Variants in ADGRL2 observed in about 807,000 individuals in gnomAD.
The protein encoded by ADGRL2 is adhesion G protein-coupled receptor L2.
ADGRL2 carries 44 observed loss-of-function variants against 157.4 expected under a neutral mutation model. The observed-to-expected ratio is 0.28, with a 90% CI of 0.22 to 0.36. ADGRL2 has a LOEUF of 0.36. Among genes scored for constraint, ADGRL2 ranks in the 10% least tolerant of loss-of-function variants. The pLI is 1.00. For missense variants in ADGRL2, 1,510 were observed against 1,768.9 expected, an observed-to-expected ratio of 0.85 and a Z score of 2.63; for synonymous variants, 585 against 624.7, an observed-to-expected ratio of 0.94 and a Z score of 0.95.
chr1:81,638,910 G>T (rs895438004), intron 3 of ADGRL2, among the ~76,000 whole-genome samples: 1 of 152,148 alleles, frequency 6.6e-6, no homozygotes, highest in Admixed American at 6.5e-5. Flanking sequence ...GAGCTGAGGT[G>T]AGAGGATCGC....
At chr1:81,736,974 A>G (rs973213856) in intron 1 of ADGRL2, among the ~76,000 whole-genome samples, 1 of 152,042 alleles carries the variant, frequency 6.6e-6, no homozygotes, top group Non-Finnish European at 1.5e-5. Context: ...AGCTGGGACT[A>G]CGGGTGCTCG....
intron 1 of ADGRL2, among the ~76,000 whole-genome samples, chr1:81,425,358 A>C (rs1462633606): frequency 6.6e-6 from 1 of 152,056 alleles, no homozygotes; most frequent in Non-Finnish European, 1.5e-5. Flanking sequence ...CTTGTAGCTA[A>C]CTGTTACTAC....
intron 1 of ADGRL2, among the ~76,000 whole-genome samples, chr1:81,702,396 C>G (rs1020692277): frequency 6.6e-6 from 1 of 152,192 alleles, no homozygotes; most frequent in Non-Finnish European, 1.5e-5. Flanking sequence ...TCATACATAC[C>G]ACCTAAGCTT....
At chr1:81,318,656 G>C (rs1356721864) in intron 1 of ADGRL2, among the ~76,000 whole-genome samples, 1 of 151,916 alleles carries the variant, frequency 6.6e-6, no homozygotes, top group Non-Finnish European at 1.5e-5. Context: ...ATGAATCCAG[G>C]GTTTCTTTAG....
chr1:81,714,343 C>T (rs1360259785), intron 1 of ADGRL2, among the ~76,000 whole-genome samples: 1 of 152,088 alleles, frequency 6.6e-6, no homozygotes, highest in Admixed American at 6.6e-5. Context: ...TAAATTGTTA[C>T]CTCACTATTA....
chr1:81,468,465 A>G (rs184821180), intron 2 of ADGRL2, among the ~76,000 whole-genome samples: 1 of 152,336 alleles, frequency 6.6e-6, no homozygotes, highest in East Asian at 1.9e-4. Flanking sequence ...AACATTTGTC[A>G]GAATTTTTAA....
In ADGRL2 at chr1:81,631,225, G is replaced by C. The variant is rs540201207; in HGVS notation, c.-143+50245G>C. ...CTTCTTTTCTTTTTTCTTTTCTTTT[G>C]TTTTTTTTTGAGACAGAGTCTTGCT... is the stretch of plus-strand genomic sequence containing the variant. On this transcript the variant is annotated intron_variant, in intron 3 of 24. Transcript: ENST00000370721. 5.7e-4 allele frequency among the ~76,000 whole-genome samples: 85 copies of C among 149,888 alleles called. 2 individuals are homozygous for C. The South Asian group carries it at 0.018, about 32-fold the overall frequency.
chr1:81,356,493 A>G (rs2100872059), intron 1 of ADGRL2, among the ~76,000 whole-genome samples: 1 of 152,276 alleles, frequency 6.6e-6, no homozygotes, highest in Non-Finnish European at 1.5e-5. Context: ...AAAGCAAGAA[A>G]GATTAAGAAA....
At chr1:81,577,601 A>G (rs1239766692) in intron 2 of ADGRL2, among the ~76,000 whole-genome samples, 1 of 152,180 alleles carries the variant, frequency 6.6e-6, no homozygotes, top group East Asian at 1.9e-4. Flanking sequence ...ACCAGCAGTC[A>G]GACAGGACAC....
At chr1:81,950,114 ACATTC>A in intron 6 of ADGRL2, 70 bp from the exon 7 acceptor site, 1 of 1,244,608 alleles carries the variant, frequency 8.0e-7, no homozygotes, top group Non-Finnish European at 1.2e-6. Flanking sequence ...GTGCATGCAC[ACATTC>A]CATGTGTGCA....
chr1:81,901,182 G>A (rs768447474), intron 2 of ADGRL2, among the ~76,000 whole-genome samples: 1 of 152,142 alleles, frequency 6.6e-6, no homozygotes, highest in Non-Finnish European at 1.5e-5. Flanking sequence ...AATTGCCTCA[G>A]ATGTGGACCC....
chr1:81,493,408 A>G (rs556486887), intron 2 of ADGRL2, among the ~76,000 whole-genome samples: 2 of 152,332 alleles, frequency 1.3e-5, no homozygotes, highest in Admixed American at 1.3e-4. Context: ...CTACCTGCCT[A>G]TCTTTAATTT....
In ADGRL2 at chr1:81,466,625, G is replaced by A. The variant is rs922212154; in HGVS notation, c.-248+21536G>A. Among the ~76,000 whole-genome samples, 3 of 152,044 alleles carry A rather than the reference G, an allele frequency of 2.0e-5. No individual in the cohort carries two copies. In the East Asian group the frequency reaches 5.8e-4, roughly 29 times the overall value. On this transcript the variant is annotated intron_variant, in intron 2 of 24. Transcript: ENST00000370721. ...TACATTAAAAGACAAAAGCAACCCA[G>A]TGATAAGTACAAGACATGTAATGAC...
At chr1:81,390,910 C>A (rs1280993445) in intron 1 of ADGRL2, among the ~76,000 whole-genome samples, 1 of 152,302 alleles carries the variant, frequency 6.6e-6, no homozygotes. Flanking sequence ...ATTACATTAG[C>A]AGCTTTGAGT....
chr1:81,477,826 G>A (rs1042778657), intron 2 of ADGRL2, among the ~76,000 whole-genome samples: 4 of 152,130 alleles, frequency 2.6e-5, no homozygotes, highest in African/African-American at 4.8e-5. Flanking sequence ...GCTTCAGGTC[G>A]TGTTGTGTTC....
At chr1:81,397,287 T>A (rs2076671355) in intron 1 of ADGRL2, among the ~76,000 whole-genome samples, 1 of 151,538 alleles carries the variant, frequency 6.6e-6, no homozygotes, top group African/African-American at 2.4e-5. Flanking sequence ...TTCTTTGTAT[T>A]TCTGTGGTAT....
At chr1:81,874,635 T>TTGTCCTGTCCTGTCC (rs1210488629) in intron 2 of ADGRL2, among the ~76,000 whole-genome samples, 71 of 112,854 alleles carry the variant, frequency 6.3e-4, no homozygotes, top group African/African-American at 2.0e-3. Context: ...TTGTCTTGTC[T>TTGTCCTGTCCTGTCC]TGTCCTGTCC....
chr1:81,559,346 T>C (rs1291247464), intron 2 of ADGRL2, among the ~76,000 whole-genome samples: 1 of 152,052 alleles, frequency 6.6e-6, no homozygotes, highest in Non-Finnish European at 1.5e-5. Flanking sequence ...TTAGTGTCAA[T>C]TGTGATGGAT....
chr1:81,676,682 A>T (rs9659648), intron 3 of ADGRL2, among the ~76,000 whole-genome samples: 53,745 of 151,254 alleles, frequency 0.36, 9,899 homozygotes, highest in South Asian at 0.42. Flanking sequence ...CACTGGATTT[A>T]TTTTATTTTA....
Sources: gnomAD v4.1 joint callset for allele counts (sites outside exome capture counted in the v4.1 genomes callset) on GRCh38, gnomAD v4.1.1 for gene constraint, MANE v1.5 for transcripts, NCBI Gene and HGNC (gene_info 2026-07-23, HGNC 2026-07-21) for gene names.